The following U2AF2 variants were observed in gnomAD, a reference collection of about 807,000 sequenced individuals.
U2AF2 encodes splicing factor U2AF 65 kDa subunit.
In U2AF2, 6 loss-of-function variants were observed where a neutral mutation model predicts 52.6. The ratio of observed to expected loss-of-function variants is 0.11; its 90% CI spans 0.06 to 0.23. U2AF2 has a LOEUF of 0.23. Ranked by LOEUF, U2AF2 falls within the 10% of genes least tolerant of loss-of-function variation. The probability of loss-of-function intolerance (pLI) is 1.00; values close to 1 mark genes in which losing one functional copy is unlikely to be tolerated. For missense variants in U2AF2, 222 were observed against 677.1 expected (o/e 0.33, Z 7.46); for synonymous variants, 284 against 258.2 (o/e 1.10, Z -0.96).
Position 55,669,506 on chromosome 19 carries a change from G to A in U2AF2, c.1107G>A (p.Gln369=). 1.9e-6 allele frequency: 3 copies of A among 1,613,948 alleles called. No individual in the cohort carries two copies. The South Asian group carries it at 3.3e-5, about 18-fold the overall frequency. The change falls in exon 11 of 12, where the codon CAG becomes CAA. Residue 369 remains glutamine, a synonymous_variant. Transcript: ENST00000308924. The part of the protein sequence containing the change: ...QVPGLMSSQV[Q]MGGHPTEVLC... ...CGGGCTTGATGAGCTCCCAGGTGCA[G>A]ATGGGCGGCCACCCGACTGAGGTCC...
chr19:55,658,292 C>T (rs1474491286), intron 1 of U2AF2, among the ~76,000 whole-genome samples: 7 of 93,278 alleles, frequency 7.5e-5, no homozygotes, highest in African/African-American at 1.3e-4. Context: ...TGCTCATGAA[C>T]CCCCCCGCCC....
intron 7 of U2AF2, among the ~76,000 whole-genome samples, chr19:55,666,309 G>A (rs1296788080): frequency 1.3e-5 from 2 of 152,254 alleles, no homozygotes; most frequent in Admixed American, 6.5e-5. Context: ...CTCCAGGTGT[G>A]ATGCTTTGTA....
At position 55,669,611 on chromosome 19, in the gene U2AF2, C is replaced by T. The variant is rs150014824; in HGVS notation, c.1212C>T (p.Asp404=). The T allele has an allele frequency of 4.5e-4, 720 of 1,613,532 alleles. 9 individuals carry two copies. Among genetic ancestry groups the T allele is most frequent in the Non-Finnish European group, 1.1e-4 (135 of 1,179,878 alleles). The stretch of plus-strand genomic sequence containing the variant: ...AGGAGATCGTGGAGGACGTGCGGGA[C>T]GAGTGCAGCAAGTACGGGCTTGTCA... ...EYEEIVEDVR[D]ECSKYGLVKS... Residue 404 remains aspartate (D), a synonymous_variant, in exon 11 of 12, where the codon GAC becomes GAT. Transcript: ENST00000308924.
At chr19:55,662,234 C>T (rs1010052771) in intron 5 of U2AF2, 12 of 361,622 alleles carry the variant, frequency 3.3e-5, no homozygotes, top group Non-Finnish European at 5.5e-5. Flanking sequence ...TTTTTTGGGG[C>T]CCCTGTGGCT....
At chr19:55,670,496 T>TG in intron 11 of U2AF2, 1 of 376,152 alleles carries the variant, frequency 2.7e-6, no homozygotes, top group Non-Finnish European at 5.4e-6. Context: ...TGCACCCTGC[T>TG]GTCCGTGCAC....
chr19:55,658,055 G>A (rs1300799932), intron 1 of U2AF2, among the ~76,000 whole-genome samples: 3 of 152,172 alleles, frequency 2.0e-5, no homozygotes, highest in Non-Finnish European at 4.4e-5. Context: ...TGCTTTTCCA[G>A]ACATTCACAT....
chr19:55,665,297 G>A (rs971493603), intron 7 of U2AF2, among the ~76,000 whole-genome samples: 1 of 142,082 alleles, frequency 7.0e-6, no homozygotes, highest in Non-Finnish European at 1.5e-5. Flanking sequence ...AGGGATTGGC[G>A]CTGTCCTAAG....
chr19:55,655,317 C>G (rs1983708759), intron 1 of U2AF2, among the ~76,000 whole-genome samples, 164 bp downstream of exon 1: 1 of 152,154 alleles, frequency 6.6e-6, no homozygotes, highest in Admixed American at 6.5e-5. Context: ...CCCCAGCGTT[C>G]CGCCGCGCGC....
chr19:55,657,011 C>T (rs1334315911), intron 1 of U2AF2, among the ~76,000 whole-genome samples: 3 of 152,204 alleles, frequency 2.0e-5, no homozygotes, highest in Non-Finnish European at 4.4e-5. Flanking sequence ...GGCTAAGTTG[C>T]TTTTGCATGG....
At chr19:55,659,071 A>C in intron 1 of U2AF2, 139 bp from the exon 2 acceptor site, 1 of 1,304,906 alleles carries the variant, frequency 7.7e-7, no homozygotes. Context: ...GAGGCCTGTT[A>C]ATTCCCTTCC....
In U2AF2 at chr19:55,660,502, CCCACCTCCCCCAGTCGTT is replaced by C; in HGVS notation, c.231-11_237del. The C allele has an allele frequency of 2.2e-6, 2 of 929,454 alleles. No individual in the cohort carries two copies. The highest frequency in any genetic ancestry group is 3.4e-6 in the Non-Finnish European group (2 of 585,388). 57.6% of individuals were successfully genotyped at this position (929,454 alleles called of 1,614,324 possible). On this transcript the variant is annotated splice_acceptor_variant and splice_polypyrimidine_tract_variant and coding_sequence_variant and intron_variant, in exon 4 of 12. Coordinates refer to ENST00000308924, the MANE Select transcript of U2AF2 (RefSeq NM_007279.3). LOFTEE classifies it high-confidence loss of function. ...AGGTTGCCCTGCCCCGCTCTCCCCT[CCCACCTCCCCCAGTCGTT>C]CCCCCCGCCACGAGAAGAAGAAGAA...
At chr19:55,659,160 C>G (rs202221242) in intron 1 of U2AF2, 50 bp from the exon 2 acceptor site, 4 of 1,474,316 alleles carry the variant, frequency 2.7e-6, no homozygotes, top group Non-Finnish European at 3.6e-6. Flanking sequence ...TGGGCTGGGC[C>G]CGCATCCTTA....
rs372225276 is a variant in U2AF2 at position 55,673,990 on chromosome 19, G to A, written c.1350G>A (p.Thr450=). ...FDCQKAMQGL[T]GRKFANRVVV... is the part of the protein sequence containing the mutation. Reference sequence around the variant, plus strand: ...GCCAGAAAGCCATGCAGGGCCTGACGGGCCGCAAGTTCGCCAACAGAGTGG... The same window carrying A: ...GCCAGAAAGCCATGCAGGGCCTGACAGGCCGCAAGTTCGCCAACAGAGTGG... Residue 450 remains threonine (T), a synonymous_variant, in exon 12 of 12, where the codon ACG becomes ACA. Transcript: ENST00000308924. 2 of 1,614,092 alleles carry A rather than the reference G, an allele frequency of 1.2e-6. No individual in the cohort carries two copies. Among genetic ancestry groups the A allele is most frequent in the South Asian group, 1.1e-5 (1 of 91,066 alleles).
intron 6 of U2AF2, 116 bp downstream of exon 6, chr19:55,662,734 C>A (rs995481358): frequency 4.7e-6 from 4 of 842,364 alleles, no homozygotes; most frequent in Non-Finnish European, 7.7e-6. Context: ...TCTGCAGCCT[C>A]TTCTCCACCC....
At position 55,655,096 on chromosome 19, in the gene U2AF2, C is replaced by G. The variant is rs780671855; in HGVS notation, c.-9C>G. The G allele has an allele frequency of 6.2e-7, 1 of 1,605,970 alleles. No homozygotes were observed. Among genetic ancestry groups the G allele is most frequent in the South Asian group, 1.1e-5 (1 of 90,732 alleles). On this transcript the variant is annotated 5_prime_UTR_variant, in exon 1 of 12. Coordinates refer to ENST00000308924, the MANE Select transcript of U2AF2 (RefSeq NM_007279.3). ...AAAGCTGCACAGGGCCCTACGCGGC[C>G]GCCTCAGCATGTCGGACTTCGACGA...
At chr19:55,660,120 G>A (rs911071297) in intron 2 of U2AF2, 57 bp from the exon 3 acceptor site, 1 of 1,548,718 alleles carries the variant, frequency 6.5e-7, no homozygotes, top group Admixed American at 1.8e-5. Flanking sequence ...TGTGGCATGT[G>A]GGGAAGACGA....
chr19:55,660,509 C>A lies in U2AF2; in HGVS notation c.231-7C>A. On this transcript the variant is annotated splice_polypyrimidine_tract_variant and splice_region_variant and intron_variant, in intron 3 of 11. Coordinates refer to ENST00000308924, the MANE Select transcript of U2AF2 (RefSeq NM_007279.3). ...CCTGCCCCGCTCTCCCCTCCCACCTCCCCCAGTCGTTCCCCCCGCCACGAG... is the reference window on the plus strand; with the variant it reads ...CCTGCCCCGCTCTCCCCTCCCACCTACCCCAGTCGTTCCCCCCGCCACGAG... 6 of 1,277,662 alleles carry A rather than the reference C, an allele frequency of 4.7e-6. No homozygotes were observed. Among genetic ancestry groups the A allele is most frequent in the Non-Finnish European group, 6.7e-6 (6 of 888,968 alleles). 79.1% of individuals were successfully genotyped at this position (1,277,662 alleles called of 1,614,324 possible).
At chr19:55,670,777 G>C (rs115866857) in intron 11 of U2AF2, 1,902 of 179,816 alleles carry the variant, frequency 0.011, 45 homozygotes, top group African/African-American at 0.044. Flanking sequence ...GAGGCCTCCA[G>C]GGTGGTCACG....
intron 1 of U2AF2, among the ~76,000 whole-genome samples, chr19:55,656,265 C>T (rs59565463): frequency 0.018 from 2,804 of 152,308 alleles, 94 homozygotes; most frequent in African/African-American, 0.064. Flanking sequence ...ATGTTCCTAG[C>T]TCGTTCGGAG....
Sources: allele counts gnomAD v4.1 joint callset (sites outside exome capture counted in the v4.1 genomes callset), GRCh38; gene constraint gnomAD v4.1.1; transcripts MANE v1.5; gene names NCBI Gene and HGNC (gene_info 2026-07-23, HGNC 2026-07-21).